Variants in SH2D4B observed in about 807,000 individuals in gnomAD.
SH2D4B encodes the protein SH2 domain containing 4B.
In SH2D4B, 45 loss-of-function variants were observed where a neutral mutation model predicts 61.5. The ratio of observed to expected loss-of-function variants is 0.73; its 90% CI spans 0.58 to 0.94. SH2D4B has a LOEUF of 0.94. Ranked by LOEUF, SH2D4B falls within the 40% of genes least tolerant of loss-of-function variation. The pLI is 0.00. For missense variants in SH2D4B, 572 were observed against 574.2 expected (o/e 1.00, Z 0.04); for synonymous variants, 224 against 220.4 (o/e 1.02, Z -0.14).
chr10:80,628,540 GAGGGCAA>G (rs1317285734), intron 6 of SH2D4B, among the ~76,000 whole-genome samples: 1 of 152,174 alleles, frequency 6.6e-6, no homozygotes, highest in Non-Finnish European at 1.5e-5. Flanking sequence ...GACTTATACA[GAGGGCAA>G]AGTGAATGGG....
intron 6 of SH2D4B, among the ~76,000 whole-genome samples, chr10:80,633,105 A>G (rs11186357): frequency 0.065 from 9,911 of 151,486 alleles, 390 homozygotes; most frequent in African/African-American, 0.088. Context: ...GAGTGATGGG[A>G]GGGGAGCCTG....
chr10:80,566,343 T>TGGAGTGCA (rs1464803962), intron 1 of SH2D4B, among the ~76,000 whole-genome samples: 1 of 149,618 alleles, frequency 6.7e-6, no homozygotes, highest in East Asian at 2.0e-4. Context: ...TTTCCCAGGC[T>TGGAGTGCA]GGAGTGCAGT....
intron 1 of SH2D4B, among the ~76,000 whole-genome samples, chr10:80,560,027 G>C (rs118056215): frequency 7.8e-6 from 1 of 128,000 alleles, no homozygotes; most frequent in African/African-American, 3.1e-5. Flanking sequence ...TGGCTCTGTC[G>C]ACCAGGCAGG....
At chr10:80,562,806 T>C (rs1477038976) in intron 1 of SH2D4B, among the ~76,000 whole-genome samples, 1 of 152,168 alleles carries the variant, frequency 6.6e-6, no homozygotes, top group Admixed American at 6.5e-5. Flanking sequence ...ATCTTTTTGA[T>C]AATAGCCATT....
At chr10:80,615,881 A>G (rs563284099) in intron 6 of SH2D4B, among the ~76,000 whole-genome samples, 2 of 152,334 alleles carry the variant, frequency 1.3e-5, no homozygotes, top group East Asian at 3.9e-4. Context: ...TAGTGTTGTG[A>G]GGATTAAATG....
intron 6 of SH2D4B, among the ~76,000 whole-genome samples, chr10:80,614,006 G>A (rs1467187062): frequency 6.6e-6 from 1 of 152,178 alleles, no homozygotes; most frequent in Non-Finnish European, 1.5e-5. Context: ...CTTCGGGAAT[G>A]TTTATCTTGG....
At chr10:80,542,699 T>A (rs1388731818) in intron 1 of SH2D4B, among the ~76,000 whole-genome samples, 1 of 152,040 alleles carries the variant, frequency 6.6e-6, no homozygotes, top group East Asian at 1.9e-4. Context: ...CCTGGCCCTG[T>A]CAGTTTTATC....
rs117130268 is a variant in SH2D4B, at chr10:80,608,224, G to A, written c.861-1200G>A. 5.3e-4 allele frequency among the ~76,000 whole-genome samples: 80 copies of A among 152,296 alleles called. 1 individual carries two copies. The highest frequency in any genetic ancestry group is 8.4e-4 in the Non-Finnish European group (57 of 68,032). ...AAATAGAAAGTATGACAGAGGAAAT[G>A]GAGGTGGAAGGAAACAAAACCGCAC... On this transcript the variant is annotated intron_variant, in intron 5 of 7. Coordinates refer to ENST00000646907, the MANE Select transcript of SH2D4B (RefSeq NM_001388272.1).
chr10:80,590,613 G>A (rs1842314599), intron 4 of SH2D4B, among the ~76,000 whole-genome samples: 1 of 152,080 alleles, frequency 6.6e-6, no homozygotes, highest in Admixed American at 6.5e-5. Flanking sequence ...TTGCAACTGG[G>A]GCCATACAGG....
chr10:80,561,811 A>T (rs185723294), intron 1 of SH2D4B, among the ~76,000 whole-genome samples: 1 of 152,356 alleles, frequency 6.6e-6, no homozygotes, highest in Non-Finnish European at 1.5e-5. Context: ...TTGATGTAGT[A>T]TCAGAGATTA....
At chr10:80,547,539 A>G (rs994301917) in intron 1 of SH2D4B, among the ~76,000 whole-genome samples, 108 of 152,218 alleles carry the variant, frequency 7.1e-4, no homozygotes, top group African/African-American at 2.5e-3. Flanking sequence ...GACACTGGGG[A>G]CAGTGATTCC....
intron 6 of SH2D4B, among the ~76,000 whole-genome samples, chr10:80,614,530 G>C (rs1202927551): frequency 6.6e-6 from 1 of 152,226 alleles, no homozygotes; most frequent in Non-Finnish European, 1.5e-5. Context: ...CATATCCCTG[G>C]GGATGGATGG....
At chr10:80,610,614 T>C (rs1842585347) in intron 6 of SH2D4B, among the ~76,000 whole-genome samples, 1 of 152,118 alleles carries the variant, frequency 6.6e-6, no homozygotes, top group African/African-American at 2.4e-5. Context: ...CACCCCTGCC[T>C]CTCACCCAGG....
chr10:80,597,796 A>G (rs1842401735), intron 4 of SH2D4B, among the ~76,000 whole-genome samples: 2 of 152,204 alleles, frequency 1.3e-5, no homozygotes, highest in Admixed American at 1.3e-4. Context: ...GGGTGGGCGA[A>G]GAAGGTGGGA....
At chr10:80,634,982 C>T (rs1842880521) in intron 7 of SH2D4B, among the ~76,000 whole-genome samples, 1 of 152,166 alleles carries the variant, frequency 6.6e-6, no homozygotes, top group South Asian at 2.1e-4. Flanking sequence ...TATTTGAACT[C>T]CAGCTTAACC....
At chr10:80,554,050 G>A (rs1487395139) in intron 1 of SH2D4B, among the ~76,000 whole-genome samples, 2 of 152,224 alleles carry the variant, frequency 1.3e-5, no homozygotes, top group Non-Finnish European at 2.9e-5. Context: ...AGCAAAGTAT[G>A]TTGTGAGTAC....
At chr10:80,635,703 CTG>C (rs1171389394) in intron 7 of SH2D4B, among the ~76,000 whole-genome samples, 2 of 152,206 alleles carry the variant, frequency 1.3e-5, no homozygotes, top group African/African-American at 4.8e-5. Flanking sequence ...GACACATTCT[CTG>C]TGTCAAGCAC....
chr10:80,595,299 C>T (rs748710931), intron 4 of SH2D4B, among the ~76,000 whole-genome samples: 23 of 152,222 alleles, frequency 1.5e-4, no homozygotes, highest in Non-Finnish European at 2.6e-4. Flanking sequence ...CTGTTTCTCT[C>T]TCCTAGGGAC....
intron 4 of SH2D4B, among the ~76,000 whole-genome samples, chr10:80,602,291 G>C (rs1842459255): frequency 6.6e-6 from 1 of 152,030 alleles, no homozygotes; most frequent in Admixed American, 6.5e-5. Flanking sequence ...GTGAAGCCCT[G>C]TCTCTACAAA....
Sources: gnomAD v4.1 joint callset for allele counts (sites outside exome capture counted in the v4.1 genomes callset) on GRCh38, gnomAD v4.1.1 for gene constraint, MANE v1.5 for transcripts, NCBI Gene and HGNC (gene_info 2026-07-23, HGNC 2026-07-21) for gene names.